The following NBAS variants were observed in gnomAD, a reference collection of about 807,000 sequenced individuals.
NBAS encodes NBAS subunit of NRZ tethering complex.
In NBAS, 219 loss-of-function variants were observed where a neutral mutation model predicts 302.5. The ratio of observed to expected loss-of-function variants is 0.72; its 90% CI spans 0.65 to 0.81. The LOEUF (loss-of-function observed/expected upper bound fraction) is 0.81, where lower values mean the gene tolerates loss of function less well. Among genes scored for constraint, NBAS ranks in the 30% least tolerant of loss-of-function variants. NBAS has a pLI of 0.00. For missense variants in NBAS, 2,932 were observed against 2,841.6 expected (o/e 1.03, Z -0.72); for synonymous variants, 1,118 against 1,021.6 (o/e 1.09, Z -1.80).
intron 44 of NBAS, among the ~76,000 whole-genome samples, chr2:15,251,725 C>T (rs1572529227): frequency 6.6e-6 from 1 of 152,200 alleles, no homozygotes; most frequent in East Asian, 1.9e-4. Context: ...CCAGAGCTCA[C>T]TCTCGTCACC....
At chr2:15,474,977 C>T (rs1364517160) in intron 14 of NBAS, among the ~76,000 whole-genome samples, 1 of 152,130 alleles carries the variant, frequency 6.6e-6, no homozygotes, top group Non-Finnish European at 1.5e-5. Flanking sequence ...CATAAAGGTA[C>T]TTACATTTGT....
Position 15,219,347 on chromosome 2 carries a change from G to A in NBAS, c.6237-379C>T, listed in dbSNP as rs182443899. On this transcript the variant is annotated intron_variant, in intron 47 of 51. Coordinates refer to ENST00000281513, the MANE Select transcript of NBAS (RefSeq NM_015909.4). Reference sequence around the variant, plus strand: ...TTTTTTTTTAATTTTTTTTTTTATTGATCATTCTTGGGTGTTTCTCGCAGA... The same window carrying A: ...TTTTTTTTTAATTTTTTTTTTTATTAATCATTCTTGGGTGTTTCTCGCAGA... Among the ~76,000 whole-genome samples the A allele has an allele frequency of 1.8e-3, 175 of 98,978 alleles. 1 individual carries two copies. The highest frequency in any genetic ancestry group is 6.8e-3 in the African/African-American group (174 of 25,674). 64.9% of individuals were successfully genotyped at this position (98,978 alleles called of 152,430 possible). A position where few individuals can be genotyped will look rare whatever the true frequency, so the allele number is the denominator to read the frequency against.
chr2:15,181,587 G>A (rs957180717), intron 50 of NBAS, among the ~76,000 whole-genome samples: 3 of 152,214 alleles, frequency 2.0e-5, no homozygotes, highest in East Asian at 1.9e-4. Flanking sequence ...ACAGGCCTTC[G>A]CAGTTCAAAC....
chr2:15,394,869 A>C (rs1311351853), intron 27 of NBAS, among the ~76,000 whole-genome samples: 2 of 152,106 alleles, frequency 1.3e-5, no homozygotes, highest in African/African-American at 4.8e-5. Context: ...TCTTCTTGAG[A>C]TATCCCATTC....
chr2:15,516,070 A>G (rs781184628), intron 9 of NBAS, among the ~76,000 whole-genome samples: 83 of 152,354 alleles, frequency 5.4e-4, no homozygotes, highest in Non-Finnish European at 9.4e-4. Context: ...CAAGAATTTG[A>G]TATTTTTAAG....
chr2:15,417,770 A>T (rs1677018621), intron 23 of NBAS, 58 bp from the exon 24 acceptor site: 1 of 1,505,682 alleles, frequency 6.6e-7, no homozygotes, highest in Non-Finnish European at 9.2e-7. Context: ...ATCTATTCTA[A>T]AGTAAAAGTC....
intron 32 of NBAS, 99 bp from the exon 33 acceptor site, chr2:15,356,515 CAGAG>C: frequency 1.1e-6 from 1 of 873,838 alleles, no homozygotes; most frequent in East Asian, 2.6e-5. Context: ...AAAAATAAAA[CAGAG>C]AGATTACAGG....
the NBAS span, among the ~76,000 whole-genome samples, chr2:14,957,620 T>C: frequency 9.8e-5 from 15 of 152,326 alleles, no homozygotes; most frequent in Non-Finnish European, 1.9e-4. Context: ...CCATTCTCCC[T>C]GATTCTGCTT....
chr2:15,342,702 A>C (rs1024483556), intron 35 of NBAS, among the ~76,000 whole-genome samples: 2 of 152,018 alleles, frequency 1.3e-5, no homozygotes, highest in East Asian at 1.9e-4. Context: ...TTATTAAATT[A>C]TTTTTATATT....
chr2:15,122,636 G>A, the NBAS span, among the ~76,000 whole-genome samples: 186 of 152,178 alleles, frequency 1.2e-3, no homozygotes, highest in African/African-American at 4.3e-3. Context: ...TGTTACCAAA[G>A]GAACCCAGAG....
intron 25 of NBAS, among the ~76,000 whole-genome samples, chr2:15,408,594 T>C (rs960292200): frequency 6.6e-6 from 1 of 152,200 alleles, no homozygotes; most frequent in Non-Finnish European, 1.5e-5. Context: ...TTTTCACTTA[T>C]CTTTAAAAAG....
intron 31 of NBAS, among the ~76,000 whole-genome samples, chr2:15,372,313 T>C (rs1447124074): frequency 6.6e-6 from 1 of 152,208 alleles, no homozygotes; most frequent in African/African-American, 2.4e-5. Context: ...TAGGGAGTCA[T>C]TTTTACATGC....
At chr2:15,298,110 C>G (rs1340864503) in intron 40 of NBAS, among the ~76,000 whole-genome samples, 1 of 152,020 alleles carries the variant, frequency 6.6e-6, no homozygotes, top group Non-Finnish European at 1.5e-5. Context: ...TTTGGGAGGC[C>G]AAGGTGGGAG....
At chr2:14,950,961 G>C in the NBAS span, among the ~76,000 whole-genome samples, 34,456 of 152,008 alleles carry the variant, frequency 0.23, 4,140 homozygotes, top group African/African-American at 0.3. Flanking sequence ...TAAAGTCCCT[G>C]AGGGCTTGGG....
intron 20 of NBAS, 71 bp downstream of exon 20, chr2:15,461,616 T>C: frequency 1.0e-6 from 1 of 960,748 alleles, no homozygotes; most frequent in East Asian, 2.6e-5. Flanking sequence ...CACAATAACA[T>C]TAACTGCACA....
chr2:15,489,043 C>G, intron 11 of NBAS, 21 bp from the exon 12 acceptor site: 1 of 1,611,894 alleles, frequency 6.2e-7, no homozygotes, highest in Non-Finnish European at 8.5e-7. Flanking sequence ...ATCATAAGGT[C>G]AGGGCAAAGG....
intron 36 of NBAS, 36 bp from the exon 37 acceptor site, chr2:15,328,348 A>C: frequency 6.5e-7 from 1 of 1,530,160 alleles, no homozygotes; most frequent in Non-Finnish European, 9.1e-7. Flanking sequence ...ATGGATAAAA[A>C]GAAAGAGAAG....
Position 15,232,428 on chromosome 2 carries a change from T to A in NBAS, c.6230A>T (p.Asp2077Val). Residue 2077 changes from aspartate to valine, a missense_variant, in exon 47 of 52, where the codon GAC (aspartate) becomes GTC (valine). Asp to Val is a radical substitution (Grantham distance 152). Coordinates refer to ENST00000281513, the MANE Select transcript of NBAS (RefSeq NM_015909.4). Reference sequence around the variant, plus strand: ...CATACTGTTCTAGTCTTACCCCTTGTCCACACTGGCGTGGACTGCTGCAAC... The same window carrying A: ...CATACTGTTCTAGTCTTACCCCTTGACCACACTGGCGTGGACTGCTGCAAC... ...GVVAAVHASV[D>V]KGEELVSPED... 1 of 1,614,066 alleles carries A rather than the reference T, an allele frequency of 6.2e-7. No individual in the cohort carries two copies. The highest frequency in any genetic ancestry group is 1.1e-5 in the South Asian group (1 of 91,080).
At chr2:15,102,107 T>C in the NBAS span, among the ~76,000 whole-genome samples, 1 of 152,216 alleles carries the variant, frequency 6.6e-6, no homozygotes. Flanking sequence ...ATGTCCCAAC[T>C]GCTAAGCTAG....
Sources: gnomAD v4.1 joint callset for allele counts (sites outside exome capture counted in the v4.1 genomes callset) on GRCh38, gnomAD v4.1.1 for gene constraint, MANE v1.5 for transcripts, NCBI Gene and HGNC (gene_info 2026-07-23, HGNC 2026-07-21) for gene names.